Variants in TTC38 observed in about 807,000 individuals in gnomAD.
TTC38 encodes tetratricopeptide repeat domain 38.
Under a neutral mutation model 64.2 loss-of-function variants are expected in TTC38, and 64 were observed. The observed-to-expected ratio is 1.00, with a 90% CI of 0.81 to 1.23. The LOEUF is 1.23. Among genes scored for constraint, TTC38 ranks in the 50% most tolerant of loss-of-function variants. TTC38 has a pLI of 0.00. For synonymous variants in TTC38, 254 were observed against 249.3 expected (o/e 1.02, Z -0.18); for missense variants, 573 against 615.5 (o/e 0.93, Z 0.73).
At chr22:46,290,449 G>C (rs1206875293) in intron 13 of TTC38, among the ~76,000 whole-genome samples, 3 of 149,882 alleles carry the variant, frequency 2.0e-5, no homozygotes, top group African/African-American at 7.6e-5. Flanking sequence ...GGTTTAGCCA[G>C]GCCAGGCATG....
In TTC38 at chr22:46,273,765, A is replaced by G. The variant is rs1601867723; in HGVS notation, c.194-133A>G. The G allele has an allele frequency of 2.5e-6, 2 of 814,640 alleles. No individual in the cohort carries two copies. Among genetic ancestry groups the G allele is most frequent in the Non-Finnish European group, 3.9e-6 (2 of 517,840 alleles). The allele number at this position is 814,640 out of a possible 1,614,324, so 50.5% of individuals were successfully genotyped here. ...TGAGTTCTAGACAGTAGGCAGGGCC[A>G]CAGTGCCCAGCCTGCTGCTGCCTGG... On this transcript the variant is annotated intron_variant, in intron 3 of 13. Transcript: ENST00000381031. The surrounding 1 kb of genome is among the most constrained non-coding windows in gnomAD (Gnocchi z 5.1).
chr22:46,273,971 G>A lies in TTC38; in HGVS notation c.267G>A (p.Leu89=). Residue 89 remains leucine (L), a synonymous_variant, in exon 4 of 14, where the codon CTG becomes CTA. Coordinates refer to ENST00000381031, the MANE Select transcript of TTC38 (RefSeq NM_017931.4). This position sits in a 1 kb window ranked among gnomAD's most constrained non-coding sequence, Gnocchi z 5.1. ...GCTCCGTGAAGCTGGACAAAGAGCTGGACCTGGCTGTGAAGACAATGGTGG... is the reference window on the plus strand; with the variant it reads ...GCTCCGTGAAGCTGGACAAAGAGCTAGACCTGGCTGTGAAGACAATGGTGG... ...TGSSVKLDKE[L]DLAVKTMVEI... 1 of 1,614,262 alleles carries A rather than the reference G, an allele frequency of 6.2e-7. No homozygotes were observed.
chr22:46,268,642 G>A (rs1156570560), intron 2 of TTC38, 51 bp downstream of exon 2: 1 of 1,560,710 alleles, frequency 6.4e-7, no homozygotes, highest in East Asian at 2.2e-5. Flanking sequence ...TCTAGGGGAA[G>A]GTTTTTTAAT....
In TTC38 at chr22:46,272,516, T is replaced by TGGGTGGCAGAAACCA; in HGVS notation, c.193+109_193+110insAAACCAGGGTGGCAG. ...CACAGTTGGGATGGGGAAGGCAGGTTGGGTGGCAGCAACCAGGGTGGCATT... is the reference window on the plus strand; with the variant it reads ...CACAGTTGGGATGGGGAAGGCAGGTTGGGTGGCAGAAACCAGGGTGGCAGCAACCAGGGTGGCATT... On this transcript the variant is annotated intron_variant, in intron 3 of 13. Coordinates refer to ENST00000381031, the MANE Select transcript of TTC38 (RefSeq NM_017931.4). The surrounding 1 kb of genome is among the most constrained non-coding windows in gnomAD (Gnocchi z 6.4). 1.0e-6 allele frequency: 1 copy of TGGGTGGCAGAAACCA among 994,386 alleles called. No individual in the cohort carries two copies. Among genetic ancestry groups the TGGGTGGCAGAAACCA allele is most frequent in the Non-Finnish European group, 1.6e-6 (1 of 642,438 alleles). The allele number at this position is 994,386 out of a possible 1,614,324, so 61.6% of individuals were successfully genotyped here.
Position 46,288,410 on chromosome 22 carries a change from C to T in TTC38, c.917-13C>T, listed in dbSNP as rs1209208128. The T allele has an allele frequency of 3.7e-6, 6 of 1,611,326 alleles. No homozygotes were observed. Among genetic ancestry groups the T allele is most frequent in the Non-Finnish European group, 5.1e-6 (6 of 1,178,328 alleles). Reference sequence around the variant, plus strand: ...CTCACTCCAGGCCCTGGGTCTCCTCCCCATGTCCTCAGGAGTGTCTGTGGG... The same window carrying T: ...CTCACTCCAGGCCCTGGGTCTCCTCTCCATGTCCTCAGGAGTGTCTGTGGG... On this transcript the variant is annotated splice_polypyrimidine_tract_variant and intron_variant, in intron 10 of 13. Coordinates refer to ENST00000381031, the MANE Select transcript of TTC38 (RefSeq NM_017931.4).
At chr22:46,277,573 C>T (rs1013298103) in intron 5 of TTC38, among the ~76,000 whole-genome samples, 1 of 144,328 alleles carries the variant, frequency 6.9e-6, no homozygotes. Context: ...CCACTGCACT[C>T]CAGCCTGGGC....
At chr22:46,286,757 G>A (rs2077574709) in intron 9 of TTC38, among the ~76,000 whole-genome samples, 1 of 152,216 alleles carries the variant, frequency 6.6e-6, no homozygotes, top group Non-Finnish European at 1.5e-5. Flanking sequence ...AAACGTGATC[G>A]GGCAGACAGC....
In TTC38 at chr22:46,280,223, C is replaced by T. The variant is rs754611847; in HGVS notation, c.616-1376C>T. 52 of 470,272 alleles carry T rather than the reference C, an allele frequency of 1.1e-4. 2 individuals carry two copies. Among genetic ancestry groups the T allele is most frequent in the South Asian group, 5.3e-4 (34 of 64,500 alleles). 29.1% of individuals were successfully genotyped at this position (470,272 alleles called of 1,614,324 possible). On this transcript the variant is annotated intron_variant, in intron 6 of 13. Transcript: ENST00000381031. Reference sequence around the variant, plus strand: ...AGGAGCCAGGGCAGGAGCAGGCAGGCGGCAGGCACAGGCACAGCCACAGAG... The same window carrying T: ...AGGAGCCAGGGCAGGAGCAGGCAGGTGGCAGGCACAGGCACAGCCACAGAG...
In TTC38 at chr22:46,283,709, G is replaced by A. The variant is rs148328916; in HGVS notation, c.736-264G>A. 4.3e-3 allele frequency among the ~76,000 whole-genome samples: 659 copies of A among 151,956 alleles called. 4 individuals are homozygous for A. Among genetic ancestry groups the A allele is most frequent in the African/African-American group, 0.015 (610 of 41,432 alleles). ...TCTACCAAAGATACAAAAATTAGCC[G>A]GGTGTGGTGGTGCACACTTGTAATC... On this transcript the variant is annotated intron_variant, in intron 7 of 13. Transcript: ENST00000381031.
At position 46,275,134 on chromosome 22, in the gene TTC38, T is replaced by C; in HGVS notation, c.366-114T>C. ...CCGCACCCAGTCAGAAACTGATTTT[T>C]AAAAAAACACATCCATGTAGACCAT... On this transcript the variant is annotated intron_variant, in intron 4 of 13. Coordinates refer to ENST00000381031, the MANE Select transcript of TTC38 (RefSeq NM_017931.4). This position sits in a 1 kb window ranked among gnomAD's most constrained non-coding sequence, Gnocchi z 4.5. The C allele has an allele frequency of 9.2e-7, 1 of 1,091,516 alleles. No individual in the cohort carries two copies. Among genetic ancestry groups the C allele is most frequent in the South Asian group, 1.6e-5 (1 of 60,910 alleles). The allele number at this position is 1,091,516 out of a possible 1,614,324, so 67.6% of individuals were successfully genotyped here. A position where few individuals can be genotyped will look rare whatever the true frequency, so the allele number is the denominator to read the frequency against.
Position 46,276,844 on chromosome 22 carries a change from C to CAT in TTC38, c.539+1435_539+1436dup, listed in dbSNP as rs984450499. Among the ~76,000 whole-genome samples the CAT allele has an allele frequency of 4.5e-3, 558 of 123,088 alleles. 5 individuals carry two copies. The highest frequency in any genetic ancestry group is 0.02 in the African/African-American group (519 of 26,220). The allele number at this position is 123,088 out of a possible 152,430, so 80.8% of individuals were successfully genotyped here. A position where few individuals can be genotyped will look rare whatever the true frequency, so the allele number is the denominator to read the frequency against. On this transcript the variant is annotated intron_variant, in intron 5 of 13. Coordinates refer to ENST00000381031, the MANE Select transcript of TTC38 (RefSeq NM_017931.4). The surrounding 1 kb of genome is among the most constrained non-coding windows in gnomAD (Gnocchi z 4.7). The stretch of plus-strand genomic sequence containing the variant: ...TATTAAATATATATATATATATAAA[C>CAT]ATATATATATATAAAAAATACTTTC...
intron 13 of TTC38, 93 bp downstream of exon 13, chr22:46,289,992 G>A (rs767713595): frequency 1.8e-5 from 20 of 1,118,166 alleles, no homozygotes; most frequent in African/African-American, 4.6e-5. Flanking sequence ...CCCTTGGCCC[G>A]AGATGCTCCT....
At position 46,275,199 on chromosome 22, in the gene TTC38, G is replaced by A. The variant is rs779176292; in HGVS notation, c.366-49G>A. The A allele has an allele frequency of 6.4e-7, 1 of 1,556,800 alleles. No homozygotes were observed. The highest frequency in any genetic ancestry group is 1.2e-5 in the South Asian group (1 of 86,336). On this transcript the variant is annotated intron_variant, in intron 4 of 13. Coordinates refer to ENST00000381031, the MANE Select transcript of TTC38 (RefSeq NM_017931.4). This position sits in a 1 kb window ranked among gnomAD's most constrained non-coding sequence, Gnocchi z 4.5. ...ACAATGCCTCTTACACTCCCTGTGTGGGTGGACTATGTGTTCAGCGTTGGT... is the reference window on the plus strand; with the variant it reads ...ACAATGCCTCTTACACTCCCTGTGTAGGTGGACTATGTGTTCAGCGTTGGT...
chr22:46,284,834 A>C (rs566487799), intron 8 of TTC38, among the ~76,000 whole-genome samples: 3 of 137,760 alleles, frequency 2.2e-5, no homozygotes, highest in African/African-American at 5.4e-5. Flanking sequence ...GTGCCACTGC[A>C]CTCCAGCCTG....
chr22:46,289,534 C>T lies in TTC38; in HGVS notation c.1215C>T (p.Ile405=), dbSNP rs1489390921. 44 of 1,598,884 alleles carry T rather than the reference C, an allele frequency of 2.8e-5. No homozygotes were observed. Among genetic ancestry groups the T allele is most frequent in the East Asian group, 4.5e-5 (2 of 44,788 alleles). ...LELLLPIRYR[I]VQLGGSNAQR... ...TGCTCCTGCCCATCCGCTACCGGAT[C>T]GTCCAGCTCGGTGGGAGCAATGCCC... Residue 405 remains isoleucine, a synonymous_variant, in exon 12 of 14, where the codon ATC becomes ATT. Coordinates refer to ENST00000381031, the MANE Select transcript of TTC38 (RefSeq NM_017931.4).
rs2077540769 is a variant in TTC38 at position 46,282,279 on chromosome 22, G to T, written c.735+561G>T. 3.9e-6 allele frequency: 1 copy of T among 259,120 alleles called. No individual in the cohort carries two copies. The highest frequency in any genetic ancestry group is 7.8e-6 in the Non-Finnish European group (1 of 127,588). 16.1% of individuals were successfully genotyped at this position (259,120 alleles called of 1,614,324 possible). The stretch of plus-strand genomic sequence containing the variant: ...GCTTACTTTGGTGTCCTAGAGCCCA[G>T]GTACAAGGCGGACATGGGCTGTGCA... On this transcript the variant is annotated intron_variant, in intron 7 of 13. Coordinates refer to ENST00000381031, the MANE Select transcript of TTC38 (RefSeq NM_017931.4). The surrounding 1 kb of genome is among the most constrained non-coding windows in gnomAD (Gnocchi z 4.4).
In TTC38 at chr22:46,271,108, T is replaced by G. The variant is rs552268823; in HGVS notation, c.112-1227T>G. Among the ~76,000 whole-genome samples the G allele has an allele frequency of 1.3e-5, 2 of 152,356 alleles. No individual in the cohort carries two copies. Among genetic ancestry groups the G allele is most frequent in the Non-Finnish European group, 2.9e-5 (2 of 68,018 alleles). ...CTAAAATAAATGTTTTCTGTGAATA[T>G]TTTTAAAACGAATGAATAAGAAGCA... On this transcript the variant is annotated intron_variant, in intron 2 of 13. Coordinates refer to ENST00000381031, the MANE Select transcript of TTC38 (RefSeq NM_017931.4). The surrounding 1 kb of genome is among the most constrained non-coding windows in gnomAD (Gnocchi z 5.5).
Position 46,273,923 on chromosome 22 carries a change from C to T in TTC38, c.219C>T (p.Gly73=), listed in dbSNP as rs1158611025. Residue 73 remains glycine, a synonymous_variant, in exon 4 of 14, where the codon GGC becomes GGT. Transcript: ENST00000381031. This position sits in a 1 kb window ranked among gnomAD's most constrained non-coding sequence, Gnocchi z 5.1. ...TFVMGHAMAT[G]LVLIGTGSSV... ...TGATGGGCCACGCCATGGCTACTGGCCTTGTGCTGATTGGCACTGGAAGCT... is the reference window on the plus strand; with the variant it reads ...TGATGGGCCACGCCATGGCTACTGGTCTTGTGCTGATTGGCACTGGAAGCT... 3.7e-6 allele frequency: 6 copies of T among 1,614,126 alleles called. No individual in the cohort carries two copies. In the Admixed American group the frequency reaches 6.7e-5, roughly 18 times the overall value.
chr22:46,284,433 C>T (rs911954173), intron 8 of TTC38, among the ~76,000 whole-genome samples: 4 of 152,168 alleles, frequency 2.6e-5, no homozygotes, highest in Non-Finnish European at 4.4e-5. Context: ...TGCTCCTTAT[C>T]GTGCACAAAA....
Sources: gnomAD v4.1 joint callset for allele counts (sites outside exome capture counted in the v4.1 genomes callset) on GRCh38, gnomAD v4.1.1 for gene constraint, Gnocchi (gnomAD v3.1) non-coding constraint, MANE v1.5 for transcripts, NCBI Gene and HGNC (gene_info 2026-07-23, HGNC 2026-07-21) for gene names.